The following SEMA3E variants were observed in gnomAD, a reference collection of about 807,000 sequenced individuals.
The protein encoded by SEMA3E is semaphorin-3E.
In SEMA3E, 49 loss-of-function variants were observed where a neutral mutation model predicts 93.6. The ratio of observed to expected loss-of-function variants is 0.52; its 90% CI spans 0.42 to 0.66. The LOEUF is 0.66. Among genes scored for constraint, SEMA3E ranks in the 30% least tolerant of loss-of-function variants. The pLI, the probability that SEMA3E is intolerant of heterozygous loss-of-function variation, is 0.00. For missense variants in SEMA3E, 906 were observed against 964.8 expected (o/e 0.94, Z 0.81); for synonymous variants, 363 against 330.7 (o/e 1.10, Z -1.06).
intron 2 of SEMA3E, among the ~76,000 whole-genome samples, chr7:83,471,714 C>G (rs1789898441): frequency 6.6e-6 from 1 of 152,032 alleles, no homozygotes; most frequent in Admixed American, 6.6e-5. Context: ...AGTTACAGCA[C>G]CAGTCTATTA....
At position 83,402,650 on chromosome 7, in the gene SEMA3E, A is replaced by G; in HGVS notation, c.1125T>C (p.Pro375=). 2 of 1,612,702 alleles carry G rather than the reference A, an allele frequency of 1.2e-6. No individual in the cohort carries two copies. The highest frequency in any genetic ancestry group is 1.7e-6 in the Non-Finnish European group (2 of 1,178,924). Residue 375 remains proline, a synonymous_variant, in exon 10 of 17, where the codon CCT becomes CCC. Coordinates refer to ENST00000643230, the MANE Select transcript of SEMA3E (RefSeq NM_012431.3). ...YHWSVYEGKV[P]YPRPGSCASK... The stretch of plus-strand genomic sequence containing the variant: ...AACTTACAGAACCAGGCCTTGGATA[A>G]GGGACTTTTCCTTCATAGACTGACC...
chr7:83,639,722 T>C (rs1793964464), intron 1 of SEMA3E, among the ~76,000 whole-genome samples: 2 of 150,502 alleles, frequency 1.3e-5, no homozygotes, highest in Non-Finnish European at 3.0e-5. Context: ...TTTATAATGA[T>C]GAGGAAAGGA....
chr7:83,617,383 A>G (rs1251111884), intron 1 of SEMA3E, among the ~76,000 whole-genome samples: 3 of 148,292 alleles, frequency 2.0e-5, no homozygotes, highest in Admixed American at 1.4e-4. Context: ...AAAGGTTTCC[A>G]TTTCACTTAC....
chr7:83,460,236 C>G (rs1005561860), intron 4 of SEMA3E, among the ~76,000 whole-genome samples: 6 of 152,144 alleles, frequency 3.9e-5, no homozygotes, highest in Non-Finnish European at 8.8e-5. Flanking sequence ...GACTGACCAG[C>G]CCAAGGAACA....
intron 1 of SEMA3E, among the ~76,000 whole-genome samples, chr7:83,619,826 T>C (rs1269482257): frequency 6.6e-6 from 1 of 151,676 alleles, no homozygotes; most frequent in Non-Finnish European, 1.5e-5. Flanking sequence ...ATAATATCAT[T>C]AACTGTGGGT....
chr7:83,637,017 T>A (rs1415523396), intron 1 of SEMA3E, among the ~76,000 whole-genome samples: 1 of 133,660 alleles, frequency 7.5e-6, no homozygotes, highest in Non-Finnish European at 1.7e-5. Context: ...AAAAGCTATG[T>A]GTGAGAGTGT....
At chr7:83,586,304 T>C (rs1014783447) in intron 1 of SEMA3E, among the ~76,000 whole-genome samples, 11 of 152,162 alleles carry the variant, frequency 7.2e-5, no homozygotes, top group African/African-American at 2.7e-4. Context: ...AATTTGGACA[T>C]ACAACCCCAT....
chr7:83,490,961 G>A (rs1392950557), intron 1 of SEMA3E, among the ~76,000 whole-genome samples: 2 of 152,054 alleles, frequency 1.3e-5, no homozygotes, highest in African/African-American at 2.4e-5. Flanking sequence ...GCATATGGCA[G>A]TTTAGTACTT....
At chr7:83,569,963 A>G (rs1290553294) in intron 1 of SEMA3E, among the ~76,000 whole-genome samples, 13 of 152,200 alleles carry the variant, frequency 8.5e-5, no homozygotes, top group Non-Finnish European at 1.5e-5. Context: ...GATCAACCAC[A>G]TTCTTGGTCA....
At chr7:83,509,876 C>T (rs1790781410) in intron 1 of SEMA3E, among the ~76,000 whole-genome samples, 1 of 152,132 alleles carries the variant, frequency 6.6e-6, no homozygotes, top group African/African-American at 2.4e-5. Context: ...TACTTAGTCC[C>T]TGGGTTCACA....
At chr7:83,422,261 T>C (rs975003652) in intron 4 of SEMA3E, among the ~76,000 whole-genome samples, 1 of 152,188 alleles carries the variant, frequency 6.6e-6, no homozygotes. Flanking sequence ...TGGCTAAACT[T>C]ATATTCTAAG....
At chr7:83,595,887 A>G in intron 1 of SEMA3E, among the ~76,000 whole-genome samples, 1 of 152,172 alleles carries the variant, frequency 6.6e-6, no homozygotes, top group South Asian at 2.1e-4. Context: ...AATATATTTT[A>G]GGGAGAAATA....
intron 5 of SEMA3E, among the ~76,000 whole-genome samples, chr7:83,413,987 G>C (rs1490108533): frequency 6.6e-6 from 1 of 152,128 alleles, no homozygotes; most frequent in East Asian, 1.9e-4. Flanking sequence ...TATTCAAATA[G>C]CTCCTCAGAG....
At chr7:83,399,411 A>G (rs1788191927) in intron 11 of SEMA3E, among the ~76,000 whole-genome samples, 1 of 152,182 alleles carries the variant, frequency 6.6e-6, no homozygotes. Context: ...TATTATTGGT[A>G]ACATTTGGCC....
intron 1 of SEMA3E, among the ~76,000 whole-genome samples, chr7:83,616,101 T>A (rs1281728552): frequency 3.3e-5 from 5 of 152,166 alleles, no homozygotes; most frequent in Non-Finnish European, 5.9e-5. Flanking sequence ...TCTGTGCTCC[T>A]GTGATTTCAA....
intron 1 of SEMA3E, 42 bp from the exon 2 acceptor site, chr7:83,490,316 T>A: frequency 6.3e-7 from 1 of 1,592,112 alleles, no homozygotes. Flanking sequence ...CACGAGAAAA[T>A]GTAAATACCT....
intron 1 of SEMA3E, among the ~76,000 whole-genome samples, chr7:83,511,077 G>A (rs1473612225): frequency 1.3e-5 from 2 of 152,020 alleles, no homozygotes; most frequent in African/African-American, 2.4e-5. Context: ...TTTGATTTTA[G>A]CAGCTGTCAA....
In SEMA3E at chr7:83,418,503, A is replaced by C; in HGVS notation, c.457-20T>G. ...AGGATCCTTGAAAGAAAACCAGAAAAATCATTATGAATATGCCTCCTCTAA... is the reference window on the plus strand; with the variant it reads ...AGGATCCTTGAAAGAAAACCAGAAACATCATTATGAATATGCCTCCTCTAA... On this transcript the variant is annotated intron_variant, in intron 4 of 16. Transcript: ENST00000643230. The C allele has an allele frequency of 6.7e-7, 1 of 1,489,558 alleles. No homozygotes were observed. Among genetic ancestry groups the C allele is most frequent in the Non-Finnish European group, 9.3e-7 (1 of 1,071,418 alleles). 92.3% of individuals were successfully genotyped at this position (1,489,558 alleles called of 1,614,324 possible).
At chr7:83,550,433 T>C (rs192846728) in intron 1 of SEMA3E, among the ~76,000 whole-genome samples, 3 of 152,260 alleles carry the variant, frequency 2.0e-5, no homozygotes, top group Admixed American at 1.3e-4. Flanking sequence ...ACATTTTATA[T>C]GAGTCTGCTC....
Sources: allele counts gnomAD v4.1 joint callset (sites outside exome capture counted in the v4.1 genomes callset), GRCh38; gene constraint gnomAD v4.1.1; transcripts MANE v1.5; gene names NCBI Gene and HGNC (gene_info 2026-07-23, HGNC 2026-07-21).